The following TET2 variants were observed in gnomAD, a reference collection of about 807,000 sequenced individuals.
TET2 encodes the protein methylcytosine dioxygenase TET2.
Under a neutral mutation model 142.9 loss-of-function variants are expected in TET2, and 299 were observed. That is an observed-to-expected ratio of 2.09 (90% CI 1.90 to 2.30). TET2 has a LOEUF of 2.30. Among genes scored for constraint, TET2 ranks in the 30% most tolerant of loss-of-function variants. The probability of loss-of-function intolerance (pLI) is 0.00; values close to 1 mark genes in which losing one functional copy is unlikely to be tolerated. For missense variants in TET2, 2,418 were observed against 2,378.0 expected (o/e 1.02, Z -0.35); for synonymous variants, 819 against 849.0 (o/e 0.96, Z 0.61).
At chr4:105,209,049 G>GTGTATATATATA (rs71584291) in intron 2 of TET2, among the ~76,000 whole-genome samples, 6 of 44,354 alleles carry the variant, frequency 1.4e-4, no homozygotes, top group East Asian at 7.6e-4. Context: ...TCAAGGCATG[G>GTGTATATATATA]TATATATATA....
chr4:105,259,463 A>G (rs938436867), intron 6 of TET2, among the ~76,000 whole-genome samples, 156 bp from the exon 7 acceptor site: 7 of 152,186 alleles, frequency 4.6e-5, no homozygotes, highest in Admixed American at 3.9e-4. Flanking sequence ...TTAAAAGTCA[A>G]TTGAAATAGT....
chr4:105,151,901 C>T (rs1043806440), intron 1 of TET2, among the ~76,000 whole-genome samples: 1 of 152,022 alleles, frequency 6.6e-6, no homozygotes, highest in Non-Finnish European at 1.5e-5. Context: ...ATGGTGAAAC[C>T]CTGTCTCTAC....
Position 105,234,429 on chromosome 4 carries a change from T to G in TET2, c.487T>G (p.Phe163Val). ...AGCCCAAGAAAATGCAGTTAAAGAT[T>G]TCACCAGTTTTTCAACACATAACTG... ...SVAQENAVKD[F>V]TSFSTHNCSG... is the part of the protein sequence containing the mutation. The change falls in exon 3 of 11, where the codon TTC becomes GTC. Residue 163 changes from phenylalanine to valine, a missense_variant. Physicochemically the swap from Phe to Val is conservative, Grantham distance 50 (BLOSUM62 -1). Coordinates refer to ENST00000380013, the MANE Select transcript of TET2 (RefSeq NM_001127208.3). 1 of 1,613,916 alleles carries G rather than the reference T, an allele frequency of 6.2e-7. No individual in the cohort carries two copies. The highest frequency in any genetic ancestry group is 8.5e-7 in the Non-Finnish European group (1 of 1,179,984).
In TET2 at chr4:105,275,849, T is replaced by C. The variant is rs1453528349; in HGVS notation, c.5339T>C (p.Leu1780Pro). ...ATGTTCAACAGCTCTCTTCATGCCC[T>C]GCATCTCCAAAACAAGGAGAATGAC... ...PGMFNSSLHA[L>P]HLQNKENDML... The change falls in exon 11 of 11, where the codon CTG becomes CCG. Residue 1780 changes from leucine to proline, a missense_variant. By Grantham distance (98) the Leu-to-Pro change is moderately conservative. Coordinates refer to ENST00000380013, the MANE Select transcript of TET2 (RefSeq NM_001127208.3). 1 of 1,551,894 alleles carries C rather than the reference T, an allele frequency of 6.4e-7. No homozygotes were observed. The highest frequency in any genetic ancestry group is 8.7e-7 in the Non-Finnish European group (1 of 1,146,998).
At chr4:105,208,539 T>C (rs971481495) in intron 2 of TET2, among the ~76,000 whole-genome samples, 4 of 152,168 alleles carry the variant, frequency 2.6e-5, no homozygotes, top group Admixed American at 2.6e-4. Flanking sequence ...TTGATTTTTA[T>C]GTACAACAAG....
At chr4:105,225,709 C>G (rs1728151133) in intron 2 of TET2, among the ~76,000 whole-genome samples, 1 of 152,116 alleles carries the variant, frequency 6.6e-6, no homozygotes, top group Non-Finnish European at 1.5e-5. Flanking sequence ...TTTGTGTTAG[C>G]TCCATGCCAT....
intron 1 of TET2, among the ~76,000 whole-genome samples, chr4:105,174,948 A>T (rs1724693121): frequency 1.3e-5 from 2 of 152,168 alleles, no homozygotes; most frequent in African/African-American, 4.8e-5. Flanking sequence ...TAGGGAAAGG[A>T]AAATATATAA....
intron 8 of TET2, among the ~76,000 whole-genome samples, chr4:105,266,216 A>G (rs556585786): frequency 1.3e-5 from 2 of 152,166 alleles, no homozygotes; most frequent in African/African-American, 4.8e-5. Context: ...TCATAATACT[A>G]TTCATAATTG....
chr4:105,249,487 G>GTTTAACTTTTT (rs766892693), intron 6 of TET2, among the ~76,000 whole-genome samples: 35 of 152,160 alleles, frequency 2.3e-4, no homozygotes, highest in Non-Finnish European at 4.9e-4. Flanking sequence ...TTAGTAATAT[G>GTTTAACTTTTT]GTAACTTTAT....
intron 8 of TET2, among the ~76,000 whole-genome samples, chr4:105,265,077 T>G (rs532157086): frequency 6.6e-6 from 1 of 152,304 alleles, no homozygotes; most frequent in African/African-American, 2.4e-5. Context: ...GCCTTACAAT[T>G]TAACAGTAGA....
At chr4:105,226,606 C>T (rs1728207839) in intron 2 of TET2, among the ~76,000 whole-genome samples, 1 of 151,144 alleles carries the variant, frequency 6.6e-6, no homozygotes, top group African/African-American at 2.4e-5. Context: ...TCCTTCCCTC[C>T]CTCTCTCCTT....
chr4:105,213,301 A>C (rs1051980524), intron 2 of TET2, among the ~76,000 whole-genome samples: 11 of 152,226 alleles, frequency 7.2e-5, no homozygotes, highest in Non-Finnish European at 1.5e-4. Context: ...ATAAAGGCAG[A>C]ATTTGGAAAA....
At chr4:105,164,370 C>T (rs1307345931) in intron 1 of TET2, among the ~76,000 whole-genome samples, 1 of 152,218 alleles carries the variant, frequency 6.6e-6, no homozygotes, top group Non-Finnish European at 1.5e-5. Context: ...TGTGAATCTG[C>T]TTCTCTACCT....
chr4:105,217,863 T>G (rs1330107661), intron 2 of TET2, among the ~76,000 whole-genome samples: 2 of 152,038 alleles, frequency 1.3e-5, no homozygotes, highest in East Asian at 3.9e-4. Context: ...TTATTAATAC[T>G]GCACTTATAA....
In TET2 at chr4:105,235,594, A is replaced by T. The variant is rs773040955; in HGVS notation, c.1652A>T (p.Asp551Val). 1 of 1,614,172 alleles carries T rather than the reference A, an allele frequency of 6.2e-7. No individual in the cohort carries two copies. Among genetic ancestry groups the T allele is most frequent in the Non-Finnish European group, 8.5e-7 (1 of 1,180,020 alleles). Residue 551 changes from aspartate (D) to valine (V), a missense_variant, in exon 3 of 11, where the codon GAT (aspartate) becomes GTT (valine). Transcript: ENST00000380013. ...GGTCGAGACAAGGAGCAAACACGAG[A>T]TCTTGTGCCCCCAACACAGCACTAT... ...LKGRDKEQTR[D>V]LVPPTQHYLK...
intron 2 of TET2, among the ~76,000 whole-genome samples, chr4:105,229,198 A>G (rs1476508192): frequency 6.6e-6 from 1 of 152,216 alleles, no homozygotes; most frequent in East Asian, 1.9e-4. Context: ...CTCAATAGCT[A>G]TATGTGACTA....
chr4:105,190,487 G>A lies in TET2; in HGVS notation c.-65G>A, dbSNP rs1381827655. On this transcript the variant is annotated 5_prime_UTR_variant, in exon 2 of 11. Transcript: ENST00000380013. ...AATAGGACATGATCCAGGAAGAGCA[G>A]TAAGGGACTGAGCTGCTGGTAAGAC... is the stretch of plus-strand genomic sequence containing the variant. The A allele has an allele frequency of 8.5e-6, 6 of 702,184 alleles. No individual in the cohort carries two copies. Among genetic ancestry groups the A allele is most frequent in the South Asian group, 5.9e-5 (4 of 67,576 alleles). The allele number at this position is 702,184 out of a possible 1,614,324, so 43.5% of individuals were successfully genotyped here. A position where few individuals can be genotyped will look rare whatever the true frequency, so the allele number is the denominator to read the frequency against.
Position 105,236,313 on chromosome 4 carries a change from TATTCAAAATCA to T in TET2, c.2373_2383del (p.Tyr791Ter). On this transcript the variant is annotated frameshift_variant, in exon 3 of 11. Coordinates refer to ENST00000380013, the MANE Select transcript of TET2 (RefSeq NM_001127208.3). LOFTEE classifies it high-confidence loss of function. ...AGAATGTTTTCATGGTGAAAATCAGTATTCAAAATCAAGCGAGTTCGAGACTCATAATGTCC... is the reference window on the plus strand; with the variant it reads ...AGAATGTTTTCATGGTGAAAATCAGTAGCGAGTTCGAGACTCATAATGTCC... 6.2e-7 allele frequency: 1 copy of T among 1,614,022 alleles called. No homozygotes were observed. The highest frequency in any genetic ancestry group is 8.5e-7 in the Non-Finnish European group (1 of 1,179,998).
chr4:105,156,160 G>A (rs1475572161), intron 1 of TET2, among the ~76,000 whole-genome samples: 2 of 152,106 alleles, frequency 1.3e-5, no homozygotes, highest in African/African-American at 4.8e-5. Flanking sequence ...GCTTTTTAAT[G>A]CACTTCCAAA....
Sources: gnomAD v4.1 joint callset for allele counts (sites outside exome capture counted in the v4.1 genomes callset) on GRCh38, gnomAD v4.1.1 for gene constraint, MANE v1.5 for transcripts, NCBI Gene and HGNC (gene_info 2026-07-23, HGNC 2026-07-21) for gene names.